The following PIK3CB variants were observed in gnomAD, a reference collection of about 807,000 sequenced individuals.
PIK3CB encodes phosphatidylinositol-4,5-bisphosphate 3-kinase catalytic subunit beta.
Under a neutral mutation model 136.8 loss-of-function variants are expected in PIK3CB, and 39 were observed. The ratio of observed to expected loss-of-function variants is 0.29; its 90% CI spans 0.22 to 0.37. The LOEUF is 0.37. Ranked by LOEUF, PIK3CB falls within the 10% of genes least tolerant of loss-of-function variation. The pLI is 1.00. For synonymous variants in PIK3CB, 428 were observed against 436.6 expected (o/e 0.98, Z 0.25); for missense variants, 868 against 1,275.4 (o/e 0.68, Z 4.87).
chr3:138,732,456 C>T (rs893234766), intron 8 of PIK3CB, among the ~76,000 whole-genome samples: 1 of 152,170 alleles, frequency 6.6e-6, no homozygotes, highest in Non-Finnish European at 1.5e-5. Flanking sequence ...CTGAATATAT[C>T]TTCAAGCAAC....
At chr3:138,719,977 AG>A (rs2108600641) in intron 8 of PIK3CB, among the ~76,000 whole-genome samples, 1 of 152,278 alleles carries the variant, frequency 6.6e-6, no homozygotes, top group East Asian at 1.9e-4. Flanking sequence ...AGAAATAGCT[AG>A]GCTAGAAAAA....
chr3:138,686,001 G>A (rs1577071553), intron 16 of PIK3CB, among the ~76,000 whole-genome samples: 1 of 151,866 alleles, frequency 6.6e-6, no homozygotes, highest in Non-Finnish European at 1.5e-5. Context: ...GCCAGACACG[G>A]TGGTGTGCAC....
rs553346357 is a variant in PIK3CB, at chr3:138,717,772, G to A, written c.1051-3053C>T. Among the ~76,000 whole-genome samples, 14 of 152,182 alleles carry A rather than the reference G, an allele frequency of 9.2e-5. No homozygotes were observed. In the South Asian group the frequency reaches 2.5e-3, roughly 27 times the overall value. ...TTCTTATCATTTAGCTTCCTTATAA[G>A]TGAGAACATGCGGCATTTGGTTTTC... On this transcript the variant is annotated intron_variant, in intron 8 of 23. Coordinates refer to ENST00000674063, the MANE Select transcript of PIK3CB (RefSeq NM_006219.3).
chr3:138,690,334 C>T (rs693293), intron 15 of PIK3CB, among the ~76,000 whole-genome samples: 141,288 of 151,778 alleles, frequency 0.93, 65,909 homozygotes, highest in East Asian at 1. Context: ...TTAGTTTCAG[C>T]ACTATGAAGT....
At chr3:138,729,574 G>A (rs541467385) in intron 8 of PIK3CB, among the ~76,000 whole-genome samples, 23 of 152,204 alleles carry the variant, frequency 1.5e-4, no homozygotes, top group Admixed American at 1.2e-3. Context: ...TGACTGCCTT[G>A]TAACTGGGAC....
At chr3:138,680,080 CAG>C (rs2043736310) in intron 19 of PIK3CB, among the ~76,000 whole-genome samples, 3 of 151,676 alleles carry the variant, frequency 2.0e-5, no homozygotes, top group African/African-American at 4.8e-5. Context: ...GAAGAAAAGA[CAG>C]GGGGCGGCGA....
chr3:138,828,843 C>T (rs1159671663), intron 1 of PIK3CB, among the ~76,000 whole-genome samples: 1 of 151,834 alleles, frequency 6.6e-6, no homozygotes, highest in Non-Finnish European at 1.5e-5. Context: ...AGCTGGAGTG[C>T]AATGGTGCAC....
At chr3:138,831,118 T>TAAA (rs35265427) in intron 1 of PIK3CB, among the ~76,000 whole-genome samples, 1 of 140,394 alleles carries the variant, frequency 7.1e-6, no homozygotes, top group South Asian at 2.2e-4. Context: ...CCGTCTCTAC[T>TAAA]AAAAAAAAAA....
intron 16 of PIK3CB, 31 bp downstream of exon 16, chr3:138,688,844 G>GA (rs760177711): frequency 2.1e-6 from 3 of 1,426,942 alleles, no homozygotes; most frequent in Non-Finnish European, 3.0e-6. Context: ...GTCAAAAAAA[G>GA]AAAAAATGAA....
rs768197095 is a variant in PIK3CB at position 138,699,074 on chromosome 3, G to C, written c.1603C>G (p.Leu535Val). The C allele has an allele frequency of 6.4e-7, 1 of 1,567,858 alleles. No homozygotes were observed. The highest frequency in any genetic ancestry group is 8.7e-7 in the Non-Finnish European group (1 of 1,149,938). The change falls in exon 13 of 24, where the codon CTT (leucine) becomes GTT (valine). Residue 535 changes from leucine (L) to valine (V), a missense_variant. By Grantham distance (32) the Leu-to-Val change is conservative (BLOSUM62 1). Coordinates refer to ENST00000674063, the MANE Select transcript of PIK3CB (RefSeq NM_006219.3). The stretch of plus-strand genomic sequence containing the variant: ...TCCAAGATTTCTTTCAATACAGGAA[G>C]AAACTTTTTTCCACCTCGACTCTAA... The part of the protein sequence containing the change: ...NVSSRGGKKF[L>V]PVLKEILDRD...
At chr3:138,790,841 GAGT>G (rs1402325742) in intron 2 of PIK3CB, among the ~76,000 whole-genome samples, 2,015 of 148,934 alleles carry the variant, frequency 0.014, 41 homozygotes, top group African/African-American at 0.041. Context: ...AAAAAACCCT[GAGT>G]CCCAGCTACT....
At chr3:138,709,029 T>A (rs748471479) in intron 10 of PIK3CB, among the ~76,000 whole-genome samples, 6 of 151,972 alleles carry the variant, frequency 3.9e-5, no homozygotes, top group Non-Finnish European at 7.4e-5. Flanking sequence ...GTGATCCTCC[T>A]GCCTCAGTCT....
At chr3:138,773,693 GT>G (rs1160378986) in intron 2 of PIK3CB, among the ~76,000 whole-genome samples, 1 of 152,048 alleles carries the variant, frequency 6.6e-6, no homozygotes, top group African/African-American at 2.4e-5. Context: ...CAGATTTCTA[GT>G]TTTTAGTCTA....
chr3:138,779,388 C>CTTTTT lies in PIK3CB; in HGVS notation c.-17+17070_-17+17074dup, dbSNP rs753018315. 4.6e-4 allele frequency among the ~76,000 whole-genome samples: 52 copies of CTTTTT among 112,010 alleles called. 3 individuals are homozygous for CTTTTT. The highest frequency in any genetic ancestry group is 1.4e-3 in the East Asian group (5 of 3,666). 73.5% of individuals were successfully genotyped at this position (112,010 alleles called of 152,430 possible). ...GGCGTGAGCCACCACGCCCGGCCTT[C>CTTTTT]TTTTTTTTTTTTTTTTTTTTGAGAC... On this transcript the variant is annotated intron_variant, in intron 2 of 23. Transcript: ENST00000674063.
At chr3:138,796,085 T>A (rs2046105142) in intron 2 of PIK3CB, among the ~76,000 whole-genome samples, 1 of 152,046 alleles carries the variant, frequency 6.6e-6, no homozygotes, top group African/African-American at 2.4e-5. Flanking sequence ...ATAGGTTAAC[T>A]AAAAGATTCA....
rs562899676 is a variant in PIK3CB, at chr3:138,793,007, A to G, written c.-17+3456T>C. On this transcript the variant is annotated intron_variant, in intron 2 of 23. Transcript: ENST00000674063. Reference sequence around the variant, plus strand: ...GGGATTGAGGTTATCTATTCGGCATATAGTTAATTAGTGGTGAGGTTGGGA... The same window carrying G: ...GGGATTGAGGTTATCTATTCGGCATGTAGTTAATTAGTGGTGAGGTTGGGA... Among the ~76,000 whole-genome samples, 6 of 152,284 alleles carry G rather than the reference A, an allele frequency of 3.9e-5. No homozygotes were observed. The South Asian group carries it at 1.2e-3, about 32-fold the overall frequency.
At chr3:138,824,983 C>G (rs375627965) in intron 1 of PIK3CB, 66 of 201,910 alleles carry the variant, frequency 3.3e-4, no homozygotes, top group African/African-American at 1.5e-3. Context: ...TCACTTGAAC[C>G]TGGGGAGGTC....
intron 21 of PIK3CB, among the ~76,000 whole-genome samples, chr3:138,659,866 C>CTTTTTTTTTT (rs56255742): frequency 1.3e-5 from 1 of 75,422 alleles, no homozygotes; most frequent in African/African-American, 5.6e-5. Context: ...CTTTCCTCTT[C>CTTTTTTTTTT]TTTTTTTTTT....
chr3:138,772,284 T>C (rs2045809017), intron 2 of PIK3CB, among the ~76,000 whole-genome samples: 1 of 152,138 alleles, frequency 6.6e-6, no homozygotes, highest in Admixed American at 6.6e-5. Context: ...ACTCATACAG[T>C]TCAAAAGTAA....
Sources: allele counts gnomAD v4.1 joint callset (sites outside exome capture counted in the v4.1 genomes callset), GRCh38; gene constraint gnomAD v4.1.1; transcripts MANE v1.5; gene names NCBI Gene and HGNC (gene_info 2026-07-23, HGNC 2026-07-21).